The following DST variants were observed in gnomAD, a reference collection of about 807,000 sequenced individuals.
The protein encoded by DST is dystonin, also known as bullous pemphigoid antigen.
Under a neutral mutation model 875.2 loss-of-function variants are expected in DST, and 253 were observed. The observed-to-expected ratio is 0.29, with a 90% CI of 0.26 to 0.32. DST has a LOEUF of 0.32. Among genes scored for constraint, DST ranks in the 10% least tolerant of loss-of-function variants. The pLI is 1.00. For synonymous variants in DST, 3,124 were observed against 3,197.1 expected (o/e 0.98, Z 0.77); for missense variants, 8,287 against 9,111.6 (o/e 0.91, Z 3.68).
chr6:56,689,697 T>C (rs546476266), intron 9 of DST, among the ~76,000 whole-genome samples: 1 of 152,260 alleles, frequency 6.6e-6, no homozygotes, highest in African/African-American at 2.4e-5. Flanking sequence ...CACCCTTATC[T>C]ATTACATTAG....
Position 56,501,080 on chromosome 6 carries a change from A to G in DST, c.19896T>C (p.His6632=). 2 of 1,612,236 alleles carry G rather than the reference A, an allele frequency of 1.2e-6. No homozygotes were observed. The highest frequency in any genetic ancestry group is 2.2e-5 in the East Asian group (1 of 44,810). The change falls in exon 80 of 104, where the codon CAT becomes CAC. Residue 6632 remains histidine, a splice_region_variant and synonymous_variant. Coordinates refer to ENST00000680361, the MANE Select transcript of DST (RefSeq NM_001374736.1). ...ATAACATGCATTAACAGCTACGTAC[A>G]TGATGCTTGGCAAGTTCAATTTCAA... ...KAIEIELAKH[H]VLQNDVLAHQ...
intron 3 of DST, among the ~76,000 whole-genome samples, chr6:56,899,974 T>C (rs925012269): frequency 6.6e-6 from 1 of 152,232 alleles, no homozygotes; most frequent in African/African-American, 2.4e-5. Flanking sequence ...CAGGCCTCAC[T>C]GGCTCAAGAG....
chr6:56,561,617 A>G, intron 56 of DST, 68 bp from the exon 57 acceptor site: 2 of 1,500,354 alleles, frequency 1.3e-6, no homozygotes, highest in Non-Finnish European at 1.8e-6. Context: ...CTAGAAATAA[A>G]AGTTTGTTTT....
chr6:56,540,599 G>A (rs1472431988), intron 61 of DST: 1 of 152,628 alleles, frequency 6.6e-6, no homozygotes, highest in African/African-American at 2.4e-5. Context: ...ACTTTGTGCT[G>A]TGATTTGGGA....
At chr6:56,764,496 T>G (rs1231241477) in intron 4 of DST, among the ~76,000 whole-genome samples, 1 of 152,160 alleles carries the variant, frequency 6.6e-6, no homozygotes, top group Non-Finnish European at 1.5e-5. Flanking sequence ...CTCATCTAGC[T>G]CCCTAACTTT....
chr6:56,604,846 G>A lies in DST; in HGVS notation c.9782C>T (p.Ser3261Phe), dbSNP rs1207801606. The A allele has an allele frequency of 6.2e-7, 1 of 1,612,474 alleles. No individual in the cohort carries two copies. The highest frequency in any genetic ancestry group is 8.5e-7 in the Non-Finnish European group (1 of 1,179,274). The change falls in exon 40 of 104, where the codon TCT becomes TTT. Residue 3261 changes from serine to phenylalanine, a missense_variant. Ser to Phe is a radical substitution (Grantham distance 155). This residue lies in a region of DST where 3,138 missense variants were observed against 3,116.6 expected (regional missense o/e 1.01). Coordinates refer to ENST00000680361, the MANE Select transcript of DST (RefSeq NM_001374736.1). ...ESISGGGTEI[S>F]QFTPESIEAT... Reference sequence around the variant, plus strand: ...TTCAATACTTTCTGGTGTGAACTGAGAAATTTCTGTTCCTCCTCCTGAGAT... The same window carrying A: ...TTCAATACTTTCTGGTGTGAACTGAAAAATTTCTGTTCCTCCTCCTGAGAT...
chr6:56,458,654 T>G lies in DST; in HGVS notation c.*351A>C. ...TTTCCATAAAAACAGGAAAATGTCA[T>G]GAGGTATCCCTAACGTCAGGGATTG... On this transcript the variant is annotated 3_prime_UTR_variant, in exon 104 of 104. Coordinates refer to ENST00000680361, the MANE Select transcript of DST (RefSeq NM_001374736.1). 6.0e-6 allele frequency: 1 copy of G among 166,242 alleles called. No individual in the cohort carries two copies. The highest frequency in any genetic ancestry group is 1.3e-5 in the Non-Finnish European group (1 of 77,496). 10.3% of individuals were successfully genotyped at this position (166,242 alleles called of 1,614,324 possible).
chr6:56,776,811 C>G (rs1470706586), intron 4 of DST, among the ~76,000 whole-genome samples: 1 of 152,108 alleles, frequency 6.6e-6, no homozygotes, highest in South Asian at 2.1e-4. Context: ...CTTACTGGCA[C>G]TAAATGACCT....
chr6:56,477,291 C>T, intron 91 of DST, 54 bp downstream of exon 91: 2 of 1,562,332 alleles, frequency 1.3e-6, no homozygotes, highest in Non-Finnish European at 1.7e-6. Context: ...ATTTCCCACA[C>T]CCCTCAACTC....
chr6:56,799,476 G>A (rs2099744209), intron 4 of DST, among the ~76,000 whole-genome samples: 1 of 151,642 alleles, frequency 6.6e-6, no homozygotes, highest in East Asian at 1.9e-4. Flanking sequence ...CAAATCTTCA[G>A]GAACCACCAC....
chr6:56,854,211 G>C (rs1392728257), intron 3 of DST, among the ~76,000 whole-genome samples: 1 of 152,052 alleles, frequency 6.6e-6, no homozygotes, highest in African/African-American at 2.4e-5. Flanking sequence ...TTACTATCTT[G>C]GGGGCTAGAA....
intron 78 of DST, among the ~76,000 whole-genome samples, chr6:56,502,719 A>G (rs1219393400): frequency 2.6e-5 from 4 of 152,164 alleles, no homozygotes; most frequent in South Asian, 2.1e-4. Context: ...ACATGAACAA[A>G]TTAAAGTTAA....
intron 96 of DST, 24 bp from the exon 97 acceptor site, chr6:56,469,981 T>C: frequency 3.1e-6 from 5 of 1,611,826 alleles, no homozygotes; most frequent in Non-Finnish European, 3.4e-6. Flanking sequence ...TGATGAAATA[T>C]TTACTTTAAT....
chr6:56,873,010 T>G (rs954164843), intron 3 of DST, among the ~76,000 whole-genome samples: 2 of 152,194 alleles, frequency 1.3e-5, no homozygotes, highest in East Asian at 3.8e-4. Flanking sequence ...CTAGCATCTG[T>G]TATTTTCTTT....
chr6:56,808,326 G>A (rs541407096), intron 4 of DST, among the ~76,000 whole-genome samples: 3 of 151,544 alleles, frequency 2.0e-5, no homozygotes, highest in South Asian at 4.2e-4. Context: ...TATAGGAATC[G>A]TTTATATTTG....
chr6:56,475,394 A>AACACACACACAAACACACACACACAC (rs1389911774), intron 92 of DST, among the ~76,000 whole-genome samples: 1 of 144,882 alleles, frequency 6.9e-6, no homozygotes, highest in African/African-American at 2.6e-5. Context: ...AGGCTTTTAA[A>AACACACACACAAACACACACACACAC]ACACACACAC....
In DST at chr6:56,517,565, A is replaced by C. The variant is rs1312899783; in HGVS notation, c.18185T>G (p.Leu6062Trp). 1 of 1,613,276 alleles carries C rather than the reference A, an allele frequency of 6.2e-7. No individual in the cohort carries two copies. The highest frequency in any genetic ancestry group is 8.5e-7 in the Non-Finnish European group (1 of 1,179,612). The change falls in exon 70 of 104, where the codon TTG (leucine) becomes TGG (tryptophan). Residue 6062 changes from leucine (L) to tryptophan (W), a missense_variant. Physicochemically the swap from Leu to Trp is moderately conservative, Grantham distance 61. Coordinates refer to ENST00000680361, the MANE Select transcript of DST (RefSeq NM_001374736.1). Reference protein sequence around the residue: ...LSWITETEKKLMSLGDIRLEQ... With the variant: ...LSWITETEKKWMSLGDIRLEQ... ...AAGCCTGATGTCACCCAGAGACATC[A>C]ATTTTTTTTCTGTTTCAGTAATCCA... is the stretch of plus-strand genomic sequence containing the variant.
intron 3 of DST, among the ~76,000 whole-genome samples, chr6:56,883,840 A>T (rs1783348268): frequency 6.6e-6 from 1 of 152,130 alleles, no homozygotes; most frequent in Admixed American, 6.5e-5. Flanking sequence ...TTTAGTATGC[A>T]TCTCTAAAAG....
chr6:56,608,732 T>G lies in DST; in HGVS notation c.5896A>C (p.Asn1966His), dbSNP rs757327357. The G allele has an allele frequency of 2.0e-5, 33 of 1,610,540 alleles. No individual in the cohort carries two copies. Among genetic ancestry groups the G allele is most frequent in the Non-Finnish European group, 2.7e-5 (32 of 1,178,272 alleles). Reference protein sequence around the residue: ...GGRITLKCGRNISILRAAHEG... With the variant: ...GGRITLKCGRHISILRAAHEG... ...TGAGCTGCTCTTAAAATGCTTATGT[T>G]TCTTCCACATTTTAATGTTATTCTA... The change falls in exon 40 of 104, where the codon AAC (asparagine) becomes CAC (histidine). Residue 1966 changes from asparagine (N) to histidine (H), a missense_variant. Around this residue, in one of 10 missense-constraint regions of DST, gnomAD observed 3,138 missense variants for 3,116.6 expected, o/e 1.01. Transcript: ENST00000680361.
Sources: allele counts gnomAD v4.1 joint callset (sites outside exome capture counted in the v4.1 genomes callset), GRCh38; gene constraint gnomAD v4.1.1; regional missense constraint gnomAD v4.1.1; transcripts MANE v1.5; gene names NCBI Gene and HGNC (gene_info 2026-07-23, HGNC 2026-07-21).